ZSWIM6: variants seen among roughly 807,000 people sequenced by gnomAD.
ZSWIM6 encodes the protein zinc finger SWIM-type containing 6, also known as zinc finger SWIM domain-containing protein 6.
Under a neutral mutation model 113.2 loss-of-function variants are expected in ZSWIM6, and 9 were observed. The observed-to-expected ratio is 0.08, with a 90% CI of 0.05 to 0.14. The LOEUF is 0.14. ZSWIM6 is among the 10% of genes least tolerant of loss of function. The pLI, the probability that ZSWIM6 is intolerant of heterozygous loss-of-function variation, is 1.00. For missense variants in ZSWIM6, 1,162 were observed against 1,552.2 expected, an observed-to-expected ratio of 0.75 and a Z score of 4.22; for synonymous variants, 611 against 606.5, an observed-to-expected ratio of 1.01 and a Z score of -0.11.
At chr5:61,376,415 G>A (rs1745374712) in intron 1 of ZSWIM6, among the ~76,000 whole-genome samples, 1 of 151,908 alleles carries the variant, frequency 6.6e-6, no homozygotes. Context: ...TCTGTATTAT[G>A]GACACAGTAG....
In ZSWIM6 at chr5:61,431,328, G is replaced by C. The variant is rs542792589; in HGVS notation, c.677-41353G>C. 1.1e-4 allele frequency among the ~76,000 whole-genome samples: 15 copies of C among 137,244 alleles called. No individual in the cohort carries two copies. The South Asian group carries it at 3.2e-3, about 30-fold the overall frequency. The allele number at this position is 137,244 out of a possible 152,430, so 90.0% of individuals were successfully genotyped here. On this transcript the variant is annotated intron_variant, in intron 1 of 13. Transcript: ENST00000252744. Reference sequence around the variant, plus strand: ...GCAGAGGTTGCAGTGAGCCGAGATCGTGCCACTGCACTCCAGCCTGGCGAC... The same window carrying C: ...GCAGAGGTTGCAGTGAGCCGAGATCCTGCCACTGCACTCCAGCCTGGCGAC...
chr5:61,418,364 T>G (rs146998331), intron 1 of ZSWIM6, among the ~76,000 whole-genome samples: 153 of 151,976 alleles, frequency 1.0e-3, no homozygotes, highest in East Asian at 7.2e-3. Flanking sequence ...GCTTCCCGGG[T>G]TCAAGTGATT....
In ZSWIM6 at chr5:61,473,710, G is replaced by A. The variant is rs868698137; in HGVS notation, c.1033+673G>A. On this transcript the variant is annotated intron_variant, in intron 2 of 13. Transcript: ENST00000252744. ...ACATTAATATAGGACAAGTAATGTT[G>A]CCAAACATAGGTTGCTTGTGCTTTT... Among the ~76,000 whole-genome samples the A allele has an allele frequency of 7.4e-4, 113 of 152,084 alleles. 1 individual carries two copies. The highest frequency in any genetic ancestry group is 1.6e-4 in the Non-Finnish European group (11 of 68,024).
chr5:61,539,405 A>G (rs1196991280), intron 11 of ZSWIM6, among the ~76,000 whole-genome samples, 191 bp from the exon 12 acceptor site: 1 of 152,156 alleles, frequency 6.6e-6, no homozygotes, highest in African/African-American at 2.4e-5. Context: ...ACATTGCAGT[A>G]ATTATGGGAG....
chr5:61,541,763 C>T lies in ZSWIM6; in HGVS notation c.2704-121C>T, dbSNP rs1037624626. The stretch of plus-strand genomic sequence containing the variant: ...ATGTAGAGCTTTGCTCTAAATTATG[C>T]TTTCATCTTCCTGGTGGTAGACAGT... On this transcript the variant is annotated intron_variant, in intron 12 of 13. Transcript: ENST00000252744. 6.2e-5 allele frequency: 49 copies of T among 788,930 alleles called. No individual in the cohort carries two copies. In the Admixed American group the frequency reaches 9.5e-4, roughly 15 times the overall value. The allele number at this position is 788,930 out of a possible 1,614,324, so 48.9% of individuals were successfully genotyped here.
At chr5:61,376,474 T>C (rs2112074509) in intron 1 of ZSWIM6, among the ~76,000 whole-genome samples, 1 of 147,474 alleles carries the variant, frequency 6.8e-6, no homozygotes, top group South Asian at 2.2e-4. Context: ...TCTTGCCCTT[T>C]ACTGAGCTTA....
At chr5:61,444,886 T>C (rs967869012) in intron 1 of ZSWIM6, among the ~76,000 whole-genome samples, 1 of 152,222 alleles carries the variant, frequency 6.6e-6, no homozygotes, top group African/African-American at 2.4e-5. Flanking sequence ...GACGAGGCTT[T>C]GAGTAGTGTC....
chr5:61,541,091 A>G (rs575224524), intron 12 of ZSWIM6, among the ~76,000 whole-genome samples: 3 of 151,862 alleles, frequency 2.0e-5, no homozygotes, highest in African/African-American at 4.8e-5. Flanking sequence ...CTACAGGCGC[A>G]CGCCACCACA....
At chr5:61,350,454 A>G (rs2112038591) in intron 1 of ZSWIM6, among the ~76,000 whole-genome samples, 1 of 152,300 alleles carries the variant, frequency 6.6e-6, no homozygotes, top group South Asian at 2.1e-4. Flanking sequence ...TCAATCTTTC[A>G]TATATAGGAG....
chr5:61,416,038 A>G (rs1192097044), intron 1 of ZSWIM6, among the ~76,000 whole-genome samples: 2 of 152,134 alleles, frequency 1.3e-5, no homozygotes. Flanking sequence ...ACCTTCTTAC[A>G]TTTGTGTTGG....
At chr5:61,406,252 T>C (rs1378476782) in intron 1 of ZSWIM6, among the ~76,000 whole-genome samples, 2 of 152,222 alleles carry the variant, frequency 1.3e-5, no homozygotes, top group Non-Finnish European at 2.9e-5. Flanking sequence ...TGATCATTAT[T>C]GCATATCACT....
At chr5:61,359,449 G>A (rs908708684) in intron 1 of ZSWIM6, among the ~76,000 whole-genome samples, 9 of 152,124 alleles carry the variant, frequency 5.9e-5, no homozygotes, top group Non-Finnish European at 1.0e-4. Context: ...AGAATGACCT[G>A]GAAGCTGCAA....
intron 1 of ZSWIM6, among the ~76,000 whole-genome samples, chr5:61,452,403 G>A (rs1178269885): frequency 6.6e-6 from 1 of 151,972 alleles, no homozygotes; most frequent in East Asian, 1.9e-4. Context: ...CTTGGTGCAC[G>A]TGTGCAAGTA....
chr5:61,434,800 A>C (rs1174025775), intron 1 of ZSWIM6, among the ~76,000 whole-genome samples: 1 of 152,180 alleles, frequency 6.6e-6, no homozygotes, highest in Non-Finnish European at 1.5e-5. Flanking sequence ...GGTGGAGTGG[A>C]GGATGTGAAA....
chr5:61,508,979 T>G (rs937027691), intron 4 of ZSWIM6, among the ~76,000 whole-genome samples: 7 of 152,178 alleles, frequency 4.6e-5, no homozygotes, highest in African/African-American at 1.4e-4. Context: ...GAGTAGTTTT[T>G]ATTAACAAGA....
rs1191990062 is a variant in ZSWIM6, at chr5:61,530,172, A to G, written c.1958A>G (p.Asn653Ser). ...LMEACRIDDE[N>S]LSGFSDFTEN... ...GAAGCCTGCCGCATTGATGATGAGA[A>G]CCTCTCTGGGTTCTCAGATTTTACA... Residue 653 changes from asparagine to serine, a missense_variant, in exon 8 of 14, where the codon AAC becomes AGC. Physicochemically the swap from Asn to Ser is conservative, Grantham distance 46 (BLOSUM62 1). Coordinates refer to ENST00000252744, the MANE Select transcript of ZSWIM6 (RefSeq NM_020928.2). 6.4e-7 allele frequency: 1 copy of G among 1,551,210 alleles called. No homozygotes were observed. Among genetic ancestry groups the G allele is most frequent in the Admixed American group, 2.0e-5 (1 of 50,974 alleles).
chr5:61,462,494 C>T (rs144384988), intron 1 of ZSWIM6, among the ~76,000 whole-genome samples: 7 of 152,252 alleles, frequency 4.6e-5, no homozygotes, highest in Admixed American at 2.0e-4. Context: ...AAAAAAATGA[C>T]GGCAGTTCTA....
intron 5 of ZSWIM6, among the ~76,000 whole-genome samples, chr5:61,522,089 G>GTTTTTTTTTTTTT (rs1561276852): frequency 2.0e-5 from 3 of 148,274 alleles, no homozygotes; most frequent in Non-Finnish European, 3.0e-5. Flanking sequence ...TGTTTTTTTT[G>GTTTTTTTTTTTTT]TTTGTTTTTT....
chr5:61,378,742 A>C (rs1251874312), intron 1 of ZSWIM6, among the ~76,000 whole-genome samples: 1 of 152,018 alleles, frequency 6.6e-6, no homozygotes, highest in Non-Finnish European at 1.5e-5. Context: ...TTTTTAGTAG[A>C]GATGGGGTTT....
Sources: allele counts gnomAD v4.1 joint callset (sites outside exome capture counted in the v4.1 genomes callset), GRCh38; gene constraint gnomAD v4.1.1; transcripts MANE v1.5; gene names NCBI Gene and HGNC (gene_info 2026-07-23, HGNC 2026-07-21).